NARF: variants seen among roughly 807,000 people sequenced by gnomAD.
NARF encodes the protein nuclear prelamin A recognition factor, also known as iron-only hydrogenase-like protein 2.
In NARF, 41 loss-of-function variants were observed where a neutral mutation model predicts 48.0. The ratio of observed to expected loss-of-function variants is 0.85; its 90% CI spans 0.66 to 1.11. NARF has a LOEUF of 1.11. Ranked by LOEUF, NARF falls within the 50% of genes least tolerant of loss-of-function variation. The probability of loss-of-function intolerance (pLI) is 0.00; values close to 1 mark genes in which losing one functional copy is unlikely to be tolerated. For synonymous variants in NARF, 215 were observed against 225.5 expected (o/e 0.95, Z 0.42); for missense variants, 613 against 590.2 (o/e 1.04, Z -0.40).
At chr17:82,480,962 C>A in intron 6 of NARF, 120 bp from the exon 7 acceptor site, 3 of 1,137,106 alleles carry the variant, frequency 2.6e-6, no homozygotes, top group Non-Finnish European at 3.8e-6. Context: ...GTGCAGCATG[C>A]AGTGTCTGGA....
At chr17:82,462,700 A>C (rs1406676372) in intron 2 of NARF, 1 of 152,412 alleles carries the variant, frequency 6.6e-6, no homozygotes, top group Non-Finnish European at 1.5e-5. Flanking sequence ...AGGGAACAGG[A>C]CTTCTGTAGA....
chr17:82,480,453 C>A (rs576743790), intron 6 of NARF: 1 of 401,916 alleles, frequency 2.5e-6, no homozygotes, highest in East Asian at 3.6e-5. Context: ...CCAGGAGGCT[C>A]CACTGGCTGG....
chr17:82,488,145 C>T lies in NARF; in HGVS notation c.1359C>T (p.Asp453=), dbSNP rs1567949662. 1.2e-6 allele frequency: 2 copies of T among 1,613,780 alleles called. No homozygotes were observed. Among genetic ancestry groups the T allele is most frequent in the Middle Eastern group, 1.7e-4 (1 of 6,052 alleles). Residue 453 remains aspartate (D), a synonymous_variant, in exon 11 of 11, where the codon GAC becomes GAT. Coordinates refer to ENST00000309794, the MANE Select transcript of NARF (RefSeq NM_012336.4). ...AGGAGCGTGGCACACACAGCCTGGA[C>T]ATCAAGTGGTGAAGTCAGGCCAGGG... ...QSQERGTHSL[D]IKW is the part of the protein sequence containing the mutation.
intron 9 of NARF, 101 bp downstream of exon 9, chr17:82,485,051 T>C (rs899148765): frequency 1.4e-6 from 2 of 1,379,806 alleles, no homozygotes; most frequent in Non-Finnish European, 1.9e-6. Flanking sequence ...GGATGGAGTT[T>C]ACACTAGTCA....
chr17:82,461,191 T>C (rs1426732545), intron 2 of NARF, among the ~76,000 whole-genome samples: 1 of 152,200 alleles, frequency 6.6e-6, no homozygotes, highest in African/African-American at 2.4e-5. Flanking sequence ...CCCAAAGTGC[T>C]GGGATTACAG....
In NARF at chr17:82,488,309, ATT is replaced by A; in HGVS notation, c.*153_*154del. On this transcript the variant is annotated 3_prime_UTR_variant, in exon 11 of 11. Coordinates refer to ENST00000309794, the MANE Select transcript of NARF (RefSeq NM_012336.4). ...CTCCGAGTTCCCTGCTACCCCGTTTATTGGAGGCCCCTCAGGCAGTTTCATGT... is the reference window on the plus strand; with the variant it reads ...CTCCGAGTTCCCTGCTACCCCGTTTAGGAGGCCCCTCAGGCAGTTTCATGT... 8.1e-7 allele frequency: 1 copy of A among 1,227,334 alleles called. No individual in the cohort carries two copies. The highest frequency in any genetic ancestry group is 2.6e-5 in the East Asian group (1 of 38,648). The allele number at this position is 1,227,334 out of a possible 1,614,324, so 76.0% of individuals were successfully genotyped here.
intron 4 of NARF, among the ~76,000 whole-genome samples, chr17:82,471,800 A>AAAAAATAAATAAAT (rs1555627879): frequency 6.1e-5 from 9 of 148,094 alleles, no homozygotes; most frequent in African/African-American, 2.2e-4. Flanking sequence ...TCAAAAAAAA[A>AAAAAATAAATAAAT]AAAAAAAGTA....
In NARF at chr17:82,472,003, A is replaced by G. The variant is rs186434505; in HGVS notation, c.386-561A>G. ...AAGAAGCATGAGAGAGAACATACATATTTCATTGTGAAAAATCATACACGC... is the reference window on the plus strand; with the variant it reads ...AAGAAGCATGAGAGAGAACATACATGTTTCATTGTGAAAAATCATACACGC... On this transcript the variant is annotated intron_variant, in intron 4 of 10. Transcript: ENST00000309794. Among the ~76,000 whole-genome samples, 7 of 152,212 alleles carry G rather than the reference A, an allele frequency of 4.6e-5. No individual in the cohort carries two copies. The East Asian group carries it at 1.4e-3, about 29-fold the overall frequency.
At position 82,488,178 on chromosome 17, in the gene NARF, G is replaced by C; in HGVS notation, c.*21G>C. 1 of 1,608,174 alleles carries C rather than the reference G, an allele frequency of 6.2e-7. No homozygotes were observed. Among genetic ancestry groups the C allele is most frequent in the Non-Finnish European group, 8.5e-7 (1 of 1,175,904 alleles). Reference sequence around the variant, plus strand: ...GGTGAAGTCAGGCCAGGGCCTTCCAGCTGCTCTTGGGGCCAGAGCCAAGAG... The same window carrying C: ...GGTGAAGTCAGGCCAGGGCCTTCCACCTGCTCTTGGGGCCAGAGCCAAGAG... On this transcript the variant is annotated 3_prime_UTR_variant, in exon 11 of 11. Coordinates refer to ENST00000309794, the MANE Select transcript of NARF (RefSeq NM_012336.4).
chr17:82,461,253 T>G (rs1314163445), intron 2 of NARF, among the ~76,000 whole-genome samples: 1 of 152,066 alleles, frequency 6.6e-6, no homozygotes, highest in East Asian at 1.9e-4. Flanking sequence ...TGTTTTTAAA[T>G]TCTCCTTAGC....
At chr17:82,473,510 G>GTCC (rs2043764580) in intron 5 of NARF, among the ~76,000 whole-genome samples, 1 of 151,748 alleles carries the variant, frequency 6.6e-6, no homozygotes, top group Non-Finnish European at 1.5e-5. Context: ...CACCACACCC[G>GTCC]GCTAATTTCT....
intron 6 of NARF, 93 bp downstream of exon 6, chr17:82,479,011 T>C: frequency 8.2e-7 from 1 of 1,218,140 alleles, no homozygotes; most frequent in Non-Finnish European, 1.2e-6. Context: ...CTGTCCAGCG[T>C]GGTCACGGCC....
At chr17:82,459,891 G>T (rs186734283) in intron 1 of NARF, 101 bp from the exon 2 acceptor site, 3 of 890,870 alleles carry the variant, frequency 3.4e-6, no homozygotes, top group Non-Finnish European at 5.2e-6. Context: ...TAAACTAAAA[G>T]AAAGGATAGA....
At chr17:82,462,571 A>G (rs2043464632) in intron 2 of NARF, 1 of 152,554 alleles carries the variant, frequency 6.6e-6, no homozygotes, top group Admixed American at 6.6e-5. Context: ...GTGCAGTTTT[A>G]GCTCCACAGA....
Position 82,481,224 on chromosome 17 carries a change from C to T in NARF, c.769+13C>T, listed in dbSNP as rs567321358. The T allele has an allele frequency of 1.8e-4, 295 of 1,613,158 alleles. 3 individuals carry two copies. In the South Asian group the frequency reaches 2.9e-3, roughly 16 times the overall value. ...GTGTTAACATCAGGTGAGAGGTGGGCGGGGGTGCACCTGGGCGCTGGGGTA... is the reference window on the plus strand; with the variant it reads ...GTGTTAACATCAGGTGAGAGGTGGGTGGGGGTGCACCTGGGCGCTGGGGTA... On this transcript the variant is annotated intron_variant, in intron 7 of 10. Coordinates refer to ENST00000309794, the MANE Select transcript of NARF (RefSeq NM_012336.4).
intron 10 of NARF, 54 bp from the exon 11 acceptor site, chr17:82,487,862 A>G: frequency 3.1e-6 from 5 of 1,596,194 alleles, no homozygotes; most frequent in Non-Finnish European, 4.3e-6. Context: ...TCAGGAAGCT[A>G]AGGCAGAAAG....
At position 82,485,635 on chromosome 17, in the gene NARF, G is replaced by A. The variant is rs2044080357; in HGVS notation, c.1110G>A (p.Glu370=). 1 of 1,614,136 alleles carries A rather than the reference G, an allele frequency of 6.2e-7. No individual in the cohort carries two copies. Among genetic ancestry groups the A allele is most frequent in the African/African-American group, 1.3e-5 (1 of 75,056 alleles). ...GCAAGTTCCCATTCCACTTTGTGGA[G>A]GTCCTCGCCTGTGCTGGAGGTGAGG... ...KKGKFPFHFV[E]VLACAGGCLN... Residue 370 remains glutamate, a synonymous_variant, in exon 10 of 11, where the codon GAG becomes GAA. Transcript: ENST00000309794.
At chr17:82,470,363 A>G (rs1352930131) in intron 4 of NARF, among the ~76,000 whole-genome samples, 1 of 152,212 alleles carries the variant, frequency 6.6e-6, no homozygotes, top group Non-Finnish European at 1.5e-5. Flanking sequence ...GTCAAATGCT[A>G]TATATTCTCA....
chr17:82,483,142 A>AC (rs1555630149), intron 7 of NARF: 1 of 193,262 alleles, frequency 5.2e-6, no homozygotes, highest in Non-Finnish European at 1.1e-5. Flanking sequence ...ACATGGTGAA[A>AC]CCCCCGTCTC....
Sources: allele counts gnomAD v4.1 joint callset (sites outside exome capture counted in the v4.1 genomes callset), GRCh38; gene constraint gnomAD v4.1.1; transcripts MANE v1.5; gene names NCBI Gene and HGNC (gene_info 2026-07-23, HGNC 2026-07-21).